KIAA1217: variants seen among roughly 807,000 people sequenced by gnomAD.
KIAA1217 encodes sickle tail protein homolog.
KIAA1217 carries 88 observed loss-of-function variants against 163.9 expected under a neutral mutation model. The ratio of observed to expected loss-of-function variants is 0.54; its 90% CI spans 0.45 to 0.64. The LOEUF is 0.64. KIAA1217 is among the 30% of genes least tolerant of loss of function. The pLI is 0.00. For synonymous variants in KIAA1217, 903 were observed against 923.1 expected (o/e 0.98, Z 0.39); for missense variants, 2,372 against 2,475.0 (o/e 0.96, Z 0.88).
At chr10:24,178,936 T>C (rs2066038604) in intron 2 of KIAA1217, among the ~76,000 whole-genome samples, 1 of 152,216 alleles carries the variant, frequency 6.6e-6, no homozygotes, top group East Asian at 1.9e-4. Flanking sequence ...AAGTCAGATG[T>C]CACTTTTGAG....
chr10:24,435,473 A>C (rs980326222), intron 4 of KIAA1217, among the ~76,000 whole-genome samples: 23 of 152,206 alleles, frequency 1.5e-4, no homozygotes, highest in African/African-American at 5.1e-4. Flanking sequence ...CAATTAGAGG[A>C]ATTGAAGGAC....
chr10:24,462,161 A>G (rs1010499202), intron 5 of KIAA1217, among the ~76,000 whole-genome samples: 1 of 151,176 alleles, frequency 6.6e-6, no homozygotes, highest in Admixed American at 6.6e-5. Flanking sequence ...TATAATATAT[A>G]TAAGCATATA....
At chr10:23,794,245 T>C (rs779061358) in intron 1 of KIAA1217, among the ~76,000 whole-genome samples, 9 of 152,198 alleles carry the variant, frequency 5.9e-5, no homozygotes, top group Non-Finnish European at 1.3e-4. Flanking sequence ...TTCACTGATA[T>C]CACTAATCAT....
chr10:23,821,316 A>T (rs1318282149), intron 1 of KIAA1217, among the ~76,000 whole-genome samples: 1 of 152,144 alleles, frequency 6.6e-6, no homozygotes, highest in Non-Finnish European at 1.5e-5. Flanking sequence ...GATGGTTCCT[A>T]AGCACTGATT....
intron 3 of KIAA1217, among the ~76,000 whole-genome samples, chr10:24,397,975 C>A (rs576005810): frequency 1.3e-5 from 2 of 152,118 alleles, no homozygotes; most frequent in South Asian, 4.1e-4. Flanking sequence ...AATCTCTGAG[C>A]CATTTCTGTA....
chr10:24,163,143 G>A (rs1564775197), intron 2 of KIAA1217, among the ~76,000 whole-genome samples: 1 of 152,170 alleles, frequency 6.6e-6, no homozygotes, highest in Admixed American at 6.5e-5. Context: ...TCATCTAACA[G>A]TGCTAAGAAC....
intron 2 of KIAA1217, among the ~76,000 whole-genome samples, chr10:24,229,035 G>A (rs900563097): frequency 6.6e-6 from 1 of 152,102 alleles, no homozygotes; most frequent in Non-Finnish European, 1.5e-5. Context: ...GGGAATAAAC[G>A]TACTACCCTC....
chr10:23,943,913 A>G (rs1361869546), intron 1 of KIAA1217, among the ~76,000 whole-genome samples: 1 of 152,238 alleles, frequency 6.6e-6, no homozygotes, highest in Non-Finnish European at 1.5e-5. Flanking sequence ...CACCTACTTC[A>G]TCCCTCACAT....
At chr10:23,743,971 G>A (rs1839263953) in intron 1 of KIAA1217, among the ~76,000 whole-genome samples, 1 of 152,166 alleles carries the variant, frequency 6.6e-6, no homozygotes, top group South Asian at 2.1e-4. Flanking sequence ...GATCAGGAAA[G>A]ACTTCAGAAA....
At chr10:24,360,643 T>G (rs1038779656) in intron 2 of KIAA1217, among the ~76,000 whole-genome samples, 14 of 152,158 alleles carry the variant, frequency 9.2e-5, no homozygotes, top group South Asian at 2.1e-4. Flanking sequence ...CCTCTTGAAT[T>G]TGGGATTTCA....
At chr10:23,762,311 A>G (rs1220450410) in intron 1 of KIAA1217, among the ~76,000 whole-genome samples, 1 of 129,504 alleles carries the variant, frequency 7.7e-6, no homozygotes, top group Non-Finnish European at 1.6e-5. Flanking sequence ...GAAGAGACAC[A>G]ACAAAAAAAA....
At position 24,127,425 on chromosome 10, in the gene KIAA1217, A is replaced by G. The variant is rs2063506381; in HGVS notation, c.-170-92201A>G. Reference sequence around the variant, plus strand: ...AAATGTCTTTTGCTTTTCCTTATTGAGAGACTAGAAGAGACTTTTTAAAAG... The same window carrying G: ...AAATGTCTTTTGCTTTTCCTTATTGGGAGACTAGAAGAGACTTTTTAAAAG... On this transcript the variant is annotated intron_variant, in intron 2 of 18. Transcript: ENST00000376462. 2.0e-5 allele frequency among the ~76,000 whole-genome samples: 3 copies of G among 152,136 alleles called. No individual in the cohort carries two copies. In the South Asian group the frequency reaches 6.2e-4, roughly 31 times the overall value.
At chr10:23,859,500 A>G (rs1839857493) in intron 1 of KIAA1217, among the ~76,000 whole-genome samples, 1 of 152,206 alleles carries the variant, frequency 6.6e-6, no homozygotes. Context: ...ACAACCTTCT[A>G]CTAATCACAT....
At chr10:24,520,641 A>ATATATATAT (rs1554926651) in intron 11 of KIAA1217, among the ~76,000 whole-genome samples, 27 of 87,034 alleles carry the variant, frequency 3.1e-4, no homozygotes, top group African/African-American at 7.2e-4. Flanking sequence ...AAAAAAAAAA[A>ATATATATAT]AAAAAAAAAA....
At chr10:24,117,301 TG>T (rs2063098649) in intron 2 of KIAA1217, among the ~76,000 whole-genome samples, 1 of 152,140 alleles carries the variant, frequency 6.6e-6, no homozygotes, top group African/African-American at 2.4e-5. Context: ...CCTCCCAAAG[TG>T]CTGGGATTAC....
intron 5 of KIAA1217, among the ~76,000 whole-genome samples, chr10:24,442,906 G>C (rs1418509746): frequency 6.8e-6 from 1 of 146,020 alleles, no homozygotes; most frequent in Non-Finnish European, 1.5e-5. Flanking sequence ...AAGCACTTTT[G>C]TGGGATTTTT....
intron 1 of KIAA1217, among the ~76,000 whole-genome samples, chr10:23,821,750 C>G (rs934864915): frequency 2.6e-5 from 4 of 152,228 alleles, no homozygotes; most frequent in African/African-American, 9.6e-5. Flanking sequence ...GGTTTTACCT[C>G]TGACACCCAA....
intron 2 of KIAA1217, among the ~76,000 whole-genome samples, chr10:24,088,242 G>GTT (rs199773079): frequency 0.045 from 4,448 of 99,160 alleles, 596 homozygotes; most frequent in African/African-American, 0.15. Flanking sequence ...CCCAGGCTCT[G>GTT]TTTTTTTAAT....
chr10:24,458,249 C>T lies in KIAA1217; in HGVS notation c.847-14979C>T, dbSNP rs575472012. On this transcript the variant is annotated intron_variant, in intron 5 of 20. Transcript: ENST00000376454. ...CATCTCAGATTTCCAAGCCATGCTC[C>T]CTGGCTGGCTGACTGACTTGCTATT... Among the ~76,000 whole-genome samples the T allele has an allele frequency of 3.9e-5, 6 of 152,326 alleles. No homozygotes were observed. The South Asian group carries it at 1.2e-3, about 32-fold the overall frequency.
Sources: allele counts gnomAD v4.1 joint callset (sites outside exome capture counted in the v4.1 genomes callset), GRCh38; gene constraint gnomAD v4.1.1; transcripts MANE v1.5; gene names NCBI Gene and HGNC (gene_info 2026-07-23, HGNC 2026-07-21).